LAMA1: variants seen among roughly 807,000 people sequenced by gnomAD.
LAMA1 encodes the protein laminin subunit alpha-1.
LAMA1 carries 219 observed loss-of-function variants against 348.7 expected under a neutral mutation model. The observed-to-expected ratio is 0.63, with a 90% CI of 0.56 to 0.70. LAMA1 has a LOEUF of 0.70. Ranked by LOEUF, LAMA1 falls within the 30% of genes least tolerant of loss-of-function variation. LAMA1 has a pLI of 0.00. For missense variants in LAMA1, 3,744 were observed against 3,888.0 expected (o/e 0.96, Z 0.99); for synonymous variants, 1,487 against 1,491.0 (o/e 1.00, Z 0.06).
chr18:7,104,242 G>A (rs8092002), intron 1 of LAMA1, among the ~76,000 whole-genome samples: 55,846 of 151,744 alleles, frequency 0.37, 10,801 homozygotes, highest in East Asian at 0.77. Flanking sequence ...CTCCCAAAGC[G>A]CTGGGATTAC....
intron 36 of LAMA1, among the ~76,000 whole-genome samples, chr18:6,987,420 C>T (rs1381880302): frequency 2.0e-5 from 3 of 152,132 alleles, no homozygotes. Context: ...TAAAAGCTTT[C>T]AAATTCAAAT....
chr18:7,030,476 T>A (rs1023399786), intron 16 of LAMA1, among the ~76,000 whole-genome samples: 3 of 145,606 alleles, frequency 2.1e-5, no homozygotes, highest in African/African-American at 7.9e-5. Context: ...ACTGATGAAA[T>A]CAGAATGTGG....
intron 3 of LAMA1, among the ~76,000 whole-genome samples, chr18:7,077,164 T>C (rs985527642): frequency 1.3e-5 from 2 of 151,702 alleles, no homozygotes; most frequent in Non-Finnish European, 2.9e-5. Context: ...TAAAGCAGCC[T>C]ATAACTATAT....
At chr18:7,100,829 G>T (rs8090620) in intron 1 of LAMA1, among the ~76,000 whole-genome samples, 39,517 of 151,952 alleles carry the variant, frequency 0.26, 5,436 homozygotes, top group South Asian at 0.33. Context: ...GGCCAATGTA[G>T]TGAAACCCTA....
At chr18:6,951,877 T>C (rs2057548341) in intron 57 of LAMA1, among the ~76,000 whole-genome samples, 1 of 151,914 alleles carries the variant, frequency 6.6e-6, no homozygotes, top group Non-Finnish European at 1.5e-5. Context: ...ACCAGGTGAA[T>C]GGTGATTGTG....
At chr18:6,972,715 G>GT (rs2057663619) in intron 47 of LAMA1, among the ~76,000 whole-genome samples, 1 of 152,144 alleles carries the variant, frequency 6.6e-6, no homozygotes, top group South Asian at 2.1e-4. Flanking sequence ...TTGAGATGGA[G>GT]TTTTGCTCCT....
rs114924306 is a variant in LAMA1 at position 7,087,082 on chromosome 18, G to A, written c.62-6625C>T. ...ATTATTCTTTGCTTCTTTGTGCGTC[G>A]GACTGAAGTTGACCCTTTCATCTAA... is the stretch of plus-strand genomic sequence containing the variant. On this transcript the variant is annotated intron_variant, in intron 1 of 62. Coordinates refer to ENST00000389658, the MANE Select transcript of LAMA1 (RefSeq NM_005559.4). Among the ~76,000 whole-genome samples, 1,002 of 152,120 alleles carry A rather than the reference G, an allele frequency of 6.6e-3. 8 individuals carry two copies. The highest frequency in any genetic ancestry group is 0.022 in the African/African-American group (903 of 41,488).
chr18:6,941,961 C>T lies in LAMA1; in HGVS notation c.*118G>A. On this transcript the variant is annotated 3_prime_UTR_variant, in exon 63 of 63. Coordinates refer to ENST00000389658, the MANE Select transcript of LAMA1 (RefSeq NM_005559.4). ...GTGTAACGTAAACACAACATCTCTC[C>T]CCAGAAACACTTAACCTGAGTTGGA... 4 of 1,305,662 alleles carry T rather than the reference C, an allele frequency of 3.1e-6. No individual in the cohort carries two copies. Among genetic ancestry groups the T allele is most frequent in the Non-Finnish European group, 4.4e-6 (4 of 911,636 alleles). 80.9% of individuals were successfully genotyped at this position (1,305,662 alleles called of 1,614,324 possible).
chr18:7,055,613 A>G (rs1159784335), intron 3 of LAMA1, among the ~76,000 whole-genome samples: 3 of 152,070 alleles, frequency 2.0e-5, no homozygotes, highest in African/African-American at 7.2e-5. Flanking sequence ...GGAATTCCAC[A>G]GAATCAATAA....
chr18:6,948,400 T>A lies in LAMA1; in HGVS notation c.8710+3A>T. On this transcript the variant is annotated splice_donor_region_variant and intron_variant, in intron 60 of 62. Transcript: ENST00000389658. ...TGCCTTCGAGAGTGTTGCTAACACA[T>A]ACCAAGAGCTGCATATCCGCTTCCG... 1 of 1,614,194 alleles carries A rather than the reference T, an allele frequency of 6.2e-7. No homozygotes were observed. The highest frequency in any genetic ancestry group is 8.5e-7 in the Non-Finnish European group (1 of 1,180,042).
intron 1 of LAMA1, among the ~76,000 whole-genome samples, chr18:7,082,303 T>C (rs2058196234): frequency 6.6e-6 from 1 of 152,200 alleles, no homozygotes; most frequent in Non-Finnish European, 1.5e-5. Context: ...TTAATATATT[T>C]ATTTTCATTT....
At chr18:7,056,282 G>A (rs978215986) in intron 3 of LAMA1, among the ~76,000 whole-genome samples, 1 of 152,164 alleles carries the variant, frequency 6.6e-6, no homozygotes, top group Non-Finnish European at 1.5e-5. Flanking sequence ...CGCCACATGA[G>A]CCAGGGTGAT....
At chr18:7,019,581 T>G in intron 19 of LAMA1, among the ~76,000 whole-genome samples, 1 of 152,006 alleles carries the variant, frequency 6.6e-6, no homozygotes, top group Non-Finnish European at 1.5e-5. Context: ...ATTTTCGGTG[T>G]GAAATCTACA....
chr18:6,976,133 C>T (rs2057681137), intron 44 of LAMA1, 53 bp from the exon 45 acceptor site: 1 of 1,586,566 alleles, frequency 6.3e-7, no homozygotes, highest in Admixed American at 1.7e-5. Flanking sequence ...ACACCGGCAG[C>T]TCACCAGCAG....
intron 19 of LAMA1, among the ~76,000 whole-genome samples, chr18:7,020,795 T>G (rs536666010): frequency 3.3e-5 from 5 of 152,244 alleles, no homozygotes; most frequent in African/African-American, 1.2e-4. Context: ...CCAGAAAGAT[T>G]CATTTCGGGT....
intron 48 of LAMA1, among the ~76,000 whole-genome samples, chr18:6,971,481 T>C (rs1431118006): frequency 1.3e-5 from 2 of 152,154 alleles, no homozygotes; most frequent in African/African-American, 2.4e-5. Context: ...GAAGGTTGTT[T>C]GAGAAATTGT....
intron 19 of LAMA1, among the ~76,000 whole-genome samples, chr18:7,019,267 C>T (rs1217735968): frequency 1.3e-5 from 2 of 152,092 alleles, no homozygotes; most frequent in South Asian, 2.1e-4. Context: ...CGTGGCTCTG[C>T]GGAAGGGACC....
intron 1 of LAMA1, among the ~76,000 whole-genome samples, chr18:7,081,663 A>G (rs2058193891): frequency 6.6e-6 from 1 of 152,182 alleles, no homozygotes. Flanking sequence ...ATTTAACTTT[A>G]TCTTGGTAAA....
chr18:6,977,297 C>G (rs573108720), intron 44 of LAMA1, among the ~76,000 whole-genome samples: 1 of 152,240 alleles, frequency 6.6e-6, no homozygotes, highest in South Asian at 2.1e-4. Flanking sequence ...AGGATGAGGC[C>G]CATACTACAC....
Sources: gnomAD v4.1 joint callset for allele counts (sites outside exome capture counted in the v4.1 genomes callset) on GRCh38, gnomAD v4.1.1 for gene constraint, MANE v1.5 for transcripts, NCBI Gene and HGNC (gene_info 2026-07-23, HGNC 2026-07-21) for gene names.